Variants in INVS observed in about 807,000 individuals in gnomAD.
The protein encoded by INVS is inversion of embryo turning homolog.
A neutral mutation model predicts 108.8 loss-of-function variants in INVS; 86 were observed. That is an observed-to-expected ratio of 0.79 (90% confidence interval 0.66 to 0.95). The LOEUF (loss-of-function observed/expected upper bound fraction) is 0.95, where lower values mean the gene tolerates loss of function less well. Among genes scored for constraint, INVS ranks in the 40% least tolerant of loss-of-function variants. The probability of loss-of-function intolerance (pLI) is 0.00; values close to 1 mark genes in which losing one functional copy is unlikely to be tolerated. For synonymous variants in INVS, 455 were observed against 473.5 expected, an observed-to-expected ratio of 0.96 and a Z score of 0.51; for missense variants, 1,169 against 1,297.4, an observed-to-expected ratio of 0.90 and a Z score of 1.52.
At chr9:100,128,030 G>A (rs543050536) in intron 3 of INVS, among the ~76,000 whole-genome samples, 2 of 152,252 alleles carry the variant, frequency 1.3e-5, no homozygotes, top group African/African-American at 4.8e-5. Context: ...CTTCAAAAAT[G>A]TAGAGTGAAG....
intron 3 of INVS, among the ~76,000 whole-genome samples, chr9:100,146,380 T>A (rs1200526983): frequency 1.3e-5 from 2 of 152,078 alleles, no homozygotes; most frequent in Non-Finnish European, 1.5e-5. Context: ...CACAAGATAA[T>A]GTCATCAGTT....
intron 10 of INVS, among the ~76,000 whole-genome samples, chr9:100,260,338 C>A (rs1360527387): frequency 4.0e-5 from 6 of 150,578 alleles, no homozygotes; most frequent in African/African-American, 1.5e-4. Flanking sequence ...TACAGGCATG[C>A]ACCACCACAT....
At chr9:100,128,090 G>A (rs970899388) in intron 3 of INVS, among the ~76,000 whole-genome samples, 1 of 152,172 alleles carries the variant, frequency 6.6e-6, no homozygotes, top group African/African-American at 2.4e-5. Flanking sequence ...GAGGATTTCA[G>A]TTGATGATCC....
rs551660651 is a variant in INVS at position 100,266,228 on chromosome 9, G to A, written c.1571+1300G>A. On this transcript the variant is annotated intron_variant, in intron 11 of 16. Transcript: ENST00000262457. ...GGTCCTGTTACAGGAAAGGGGTCCCGATCCAGACCCCGTCAGAGGGTTCTT... is the reference window on the plus strand; with the variant it reads ...GGTCCTGTTACAGGAAAGGGGTCCCAATCCAGACCCCGTCAGAGGGTTCTT... Among the ~76,000 whole-genome samples the A allele has an allele frequency of 1.2e-4, 18 of 152,292 alleles. No homozygotes were observed. In the East Asian group the frequency reaches 1.9e-3, roughly 16 times the overall value.
chr9:100,300,553 A>G lies in INVS; in HGVS notation c.3092-15A>G. 6.8e-7 allele frequency: 1 copy of G among 1,479,204 alleles called. No homozygotes were observed. Among genetic ancestry groups the G allele is most frequent in the South Asian group, 1.1e-5 (1 of 88,258 alleles). The allele number at this position is 1,479,204 out of a possible 1,614,324, so 91.6% of individuals were successfully genotyped here. On this transcript the variant is annotated splice_polypyrimidine_tract_variant and intron_variant, in intron 16 of 16. Coordinates refer to ENST00000262457, the MANE Select transcript of INVS (RefSeq NM_014425.5). Reference sequence around the variant, plus strand: ...TTAATAACCTTAATATCTATCTGGTATTTGTTTTTAACAGTGAGCAACCTA... The same window carrying G: ...TTAATAACCTTAATATCTATCTGGTGTTTGTTTTTAACAGTGAGCAACCTA...
At position 100,253,109 on chromosome 9, in the gene INVS, T is replaced by C. The variant is rs1355103656; in HGVS notation, c.1437T>C (p.Asn479=). 6.2e-7 allele frequency: 1 copy of C among 1,613,654 alleles called. No individual in the cohort carries two copies. Among genetic ancestry groups the C allele is most frequent in the South Asian group, 1.1e-5 (1 of 91,068 alleles). ...INCMAVLMEN[N]ADPNIQDKEG... ...GCATGGCAGTTCTCATGGAAAACAA[T>C]GCAGACCCTAACATTCAAGACAAAG... The change falls in exon 10 of 17, where the codon AAT becomes AAC. Residue 479 remains asparagine, a synonymous_variant. Transcript: ENST00000262457.
intron 16 of INVS, among the ~76,000 whole-genome samples, chr9:100,299,923 CAT>C (rs1833913652): frequency 6.6e-6 from 1 of 152,068 alleles, no homozygotes. Flanking sequence ...AAAATTGAGA[CAT>C]ATGTTTGTTA....
intron 3 of INVS, among the ~76,000 whole-genome samples, chr9:100,216,305 A>G (rs1308792345): frequency 6.6e-6 from 1 of 152,158 alleles, no homozygotes; most frequent in Admixed American, 6.5e-5. Flanking sequence ...TTTTCATTTC[A>G]GCCCATTGGG....
At chr9:100,248,473 G>GTT (rs774955409) in intron 8 of INVS, among the ~76,000 whole-genome samples, 2 of 144,652 alleles carry the variant, frequency 1.4e-5, no homozygotes, top group African/African-American at 2.5e-5. Flanking sequence ...CCTCTACAGG[G>GTT]TTTTTTTTTT....
chr9:100,144,221 T>C (rs1375761949), intron 3 of INVS, among the ~76,000 whole-genome samples: 4 of 152,066 alleles, frequency 2.6e-5, no homozygotes, highest in Non-Finnish European at 5.9e-5. Context: ...TGTTTGGAAG[T>C]TCTTGTGTGC....
chr9:100,117,568 G>A (rs925393620), intron 2 of INVS: 84 of 1,062,258 alleles, frequency 7.9e-5, no homozygotes, highest in Non-Finnish European at 1.1e-4. Context: ...GGAAGCCACC[G>A]CGGTTCCCCA....
chr9:100,278,826 C>G (rs532095313), intron 12 of INVS, among the ~76,000 whole-genome samples: 3 of 152,326 alleles, frequency 2.0e-5, no homozygotes, highest in African/African-American at 7.2e-5. Context: ...CTCTTTGACA[C>G]TTACATATTC....
intron 7 of INVS, among the ~76,000 whole-genome samples, chr9:100,243,638 G>C (rs1249358338): frequency 2.0e-5 from 3 of 152,094 alleles, no homozygotes; most frequent in Non-Finnish European, 4.4e-5. Flanking sequence ...ATTCATCCAA[G>C]GATGCACATG....
At chr9:100,162,826 CA>C (rs35002647) in intron 3 of INVS, among the ~76,000 whole-genome samples, 126 of 139,034 alleles carry the variant, frequency 9.1e-4, no homozygotes, top group Middle Eastern at 3.8e-3. Flanking sequence ...GACTCCATCT[CA>C]AAAAAAAAAA....
At chr9:100,300,114 TA>T (rs1833918540) in intron 16 of INVS, among the ~76,000 whole-genome samples, 4 of 152,196 alleles carry the variant, frequency 2.6e-5, no homozygotes. Context: ...TTCAAAGTCA[TA>T]AAAAGGCCTC....
At chr9:100,231,482 T>C (rs1210468431) in intron 5 of INVS, among the ~76,000 whole-genome samples, 1 of 152,040 alleles carries the variant, frequency 6.6e-6, no homozygotes, top group East Asian at 1.9e-4. Context: ...ACATTAGGTA[T>C]TTCTCCTAAT....
intron 3 of INVS, among the ~76,000 whole-genome samples, chr9:100,210,506 G>A (rs993938433): frequency 6.6e-6 from 1 of 152,176 alleles, no homozygotes; most frequent in Admixed American, 6.5e-5. Flanking sequence ...TTAAGATCCT[G>A]TTCAACTGCC....
intron 3 of INVS, among the ~76,000 whole-genome samples, chr9:100,162,988 C>G: frequency 6.6e-6 from 1 of 152,164 alleles, no homozygotes; most frequent in African/African-American, 2.4e-5. Context: ...GTGTCAGCCA[C>G]AATGTCTGTT....
chr9:100,193,403 A>G (rs1830283020), intron 3 of INVS, among the ~76,000 whole-genome samples: 1 of 152,222 alleles, frequency 6.6e-6, no homozygotes, highest in African/African-American at 2.4e-5. Context: ...ATTCAGTGGC[A>G]TTAAGCACAT....
Sources: gnomAD v4.1 joint callset for allele counts (sites outside exome capture counted in the v4.1 genomes callset) on GRCh38, gnomAD v4.1.1 for gene constraint, MANE v1.5 for transcripts, NCBI Gene and HGNC (gene_info 2026-07-23, HGNC 2026-07-21) for gene names.